The following TMEM132B variants were observed in gnomAD, a reference collection of about 807,000 sequenced individuals.
The protein encoded by TMEM132B is transmembrane protein 132B.
A neutral mutation model predicts 90.8 loss-of-function variants in TMEM132B; 18 were observed. The observed-to-expected ratio is 0.20, with a 90% CI of 0.14 to 0.29. The LOEUF (loss-of-function observed/expected upper bound fraction) is 0.29. Among genes scored for constraint, TMEM132B ranks in the 10% least tolerant of loss-of-function variants. TMEM132B has a pLI of 1.00. For missense variants in TMEM132B, 1,096 were observed against 1,326.8 expected, an observed-to-expected ratio of 0.83 and a Z score of 2.70; for synonymous variants, 504 against 523.3, an observed-to-expected ratio of 0.96 and a Z score of 0.50.
chr12:125,214,290 G>A (rs1451363851), intron 1 of TMEM132B, among the ~76,000 whole-genome samples: 5 of 152,194 alleles, frequency 3.3e-5, no homozygotes, highest in Non-Finnish European at 1.5e-5. Flanking sequence ...GCCTCCCTCT[G>A]TCTCTCAGCA....
chr12:125,241,052 C>T (rs908119415), intron 1 of TMEM132B, among the ~76,000 whole-genome samples: 12 of 152,130 alleles, frequency 7.9e-5, no homozygotes, highest in Non-Finnish European at 1.2e-4. Flanking sequence ...TTTCGTGCCA[C>T]GGGTCCTTTT....
chr12:125,636,309 C>G (rs112621551), intron 5 of TMEM132B, among the ~76,000 whole-genome samples: 78 of 146,784 alleles, frequency 5.3e-4, no homozygotes, highest in African/African-American at 1.9e-3. Context: ...TGATTCCTTG[C>G]ACTTAGAATG....
At chr12:125,424,298 T>C (rs1395843703) in intron 3 of TMEM132B, among the ~76,000 whole-genome samples, 1 of 152,220 alleles carries the variant, frequency 6.6e-6, no homozygotes, top group African/African-American at 2.4e-5. Flanking sequence ...TTTTAAGTTC[T>C]GGATGCTTTG....
chr12:125,465,679 AC>A (rs1881544034), intron 3 of TMEM132B, among the ~76,000 whole-genome samples: 1 of 152,158 alleles, frequency 6.6e-6, no homozygotes, highest in South Asian at 2.1e-4. Context: ...AATCTTACAT[AC>A]TTTATTGCAA....
At chr12:125,281,757 G>T (rs1193645440) in intron 1 of TMEM132B, among the ~76,000 whole-genome samples, 2 of 152,038 alleles carry the variant, frequency 1.3e-5, no homozygotes, top group Non-Finnish European at 2.9e-5. Context: ...GGTCGGGCGC[G>T]GTGGCTCACG....
At chr12:125,451,197 A>G (rs1244531991) in intron 3 of TMEM132B, among the ~76,000 whole-genome samples, 1 of 152,236 alleles carries the variant, frequency 6.6e-6, no homozygotes, top group African/African-American at 2.4e-5. Flanking sequence ...TTAATTAGAT[A>G]TAAGTATTGT....
At position 125,407,450 on chromosome 12, in the gene TMEM132B, T is replaced by G. The variant is rs751117248; in HGVS notation, c.960-8081T>G. ...GCAGGTTTCCTTTTGCCCAGCTAGG[T>G]GGTGGATGCTATGGGCTGGGAAAGA... On this transcript the variant is annotated intron_variant, in intron 2 of 8. Transcript: ENST00000682704. The surrounding 1 kb of genome is among the most constrained non-coding windows in gnomAD (Gnocchi z 6.7). Among the ~76,000 whole-genome samples, 3 of 151,990 alleles carry G rather than the reference T, an allele frequency of 2.0e-5. No homozygotes were observed. The highest frequency in any genetic ancestry group is 7.3e-5 in the African/African-American group (3 of 41,364).
At chr12:125,352,961 T>G (rs1241340494) in intron 2 of TMEM132B, among the ~76,000 whole-genome samples, 1 of 152,220 alleles carries the variant, frequency 6.6e-6, no homozygotes, top group Non-Finnish European at 1.5e-5. Context: ...CCTGTGCTAG[T>G]CACTCCACTG....
chr12:125,291,560 G>A (rs553709430), intron 1 of TMEM132B, among the ~76,000 whole-genome samples: 14 of 152,302 alleles, frequency 9.2e-5, no homozygotes, highest in African/African-American at 3.1e-4. Flanking sequence ...GTCAGCAAGG[G>A]CATGAGGATG....
intron 1 of TMEM132B, among the ~76,000 whole-genome samples, chr12:125,337,063 C>T (rs773114724): frequency 5.9e-5 from 9 of 152,234 alleles, no homozygotes; most frequent in Non-Finnish European, 1.0e-4. Flanking sequence ...AATGCTCCCC[C>T]TGCATCTGGC....
intron 5 of TMEM132B, among the ~76,000 whole-genome samples, chr12:125,599,494 G>A (rs1198946683): frequency 2.6e-5 from 4 of 152,090 alleles, no homozygotes; most frequent in Admixed American, 6.5e-5. Context: ...TGACTCTTAC[G>A]CTCTCTGTGT....
At position 125,590,335 on chromosome 12, in the gene TMEM132B, C is replaced by T. The variant is rs1885288120; in HGVS notation, c.1437+6341C>T. On this transcript the variant is annotated intron_variant, in intron 5 of 8. Transcript: ENST00000682704. The stretch of plus-strand genomic sequence containing the variant: ...TCTATGATTATGTCTATTTTACTAA[C>T]TATTCTTTTCCCAGTCCTAAGCACT... Among the ~76,000 whole-genome samples the T allele has an allele frequency of 2.0e-5, 3 of 152,196 alleles. No individual in the cohort carries two copies. In the South Asian group the frequency reaches 6.2e-4, roughly 32 times the overall value.
intron 3 of TMEM132B, among the ~76,000 whole-genome samples, chr12:125,465,131 C>T (rs1881530896): frequency 6.6e-6 from 1 of 152,204 alleles, no homozygotes; most frequent in Non-Finnish European, 1.5e-5. Flanking sequence ...CCTCAAAATC[C>T]TAGCTCTGCT....
intron 1 of TMEM132B, among the ~76,000 whole-genome samples, chr12:125,202,419 C>T (rs1343214646): frequency 3.3e-5 from 5 of 152,216 alleles, no homozygotes; most frequent in Admixed American, 6.5e-5. Context: ...AGGCTGCAGT[C>T]GAGGTGTTAG....
chr12:125,500,643 G>T lies in TMEM132B; in HGVS notation c.1107-18796G>T, dbSNP rs571708468. 7.2e-5 allele frequency among the ~76,000 whole-genome samples: 11 copies of T among 152,330 alleles called. No individual in the cohort carries two copies. In the South Asian group the frequency reaches 2.1e-3, roughly 29 times the overall value. ...AAAAACATGTGAAATGGAAGGGGAA[G>T]AATTTTGTAGGACGTCAATCTAGAA... On this transcript the variant is annotated intron_variant, in intron 3 of 8. Coordinates refer to ENST00000682704, the MANE Select transcript of TMEM132B (RefSeq NM_001366854.1).
At chr12:125,433,127 T>C (rs34221092) in intron 3 of TMEM132B, among the ~76,000 whole-genome samples, 44,712 of 152,100 alleles carry the variant, frequency 0.29, 6,761 homozygotes, top group African/African-American at 0.37. Flanking sequence ...AACTTCTGAG[T>C]CAGCCCCACA....
chr12:125,489,250 C>A (rs1882288615), intron 3 of TMEM132B, among the ~76,000 whole-genome samples: 1 of 152,100 alleles, frequency 6.6e-6, no homozygotes, highest in Non-Finnish European at 1.5e-5. Flanking sequence ...AGGTATTTAG[C>A]ACCTTCATTT....
intron 3 of TMEM132B, among the ~76,000 whole-genome samples, chr12:125,428,166 A>G (rs551181857): frequency 3.9e-5 from 6 of 151,932 alleles, no homozygotes; most frequent in African/African-American, 1.2e-4. Context: ...TAATTTTTCA[A>G]TTATTTTTGT....
At chr12:125,373,619 G>A (rs745577501) in intron 2 of TMEM132B, among the ~76,000 whole-genome samples, 9 of 152,046 alleles carry the variant, frequency 5.9e-5, no homozygotes, top group Admixed American at 5.2e-4. Context: ...TTTAGCTTCC[G>A]TTACAAAGTA....
Sources: gnomAD v4.1 joint callset for allele counts (sites outside exome capture counted in the v4.1 genomes callset) on GRCh38, gnomAD v4.1.1 for gene constraint, Gnocchi (gnomAD v3.1) non-coding constraint, MANE v1.5 for transcripts, NCBI Gene and HGNC (gene_info 2026-07-23, HGNC 2026-07-21) for gene names.